The following TRIP4 variants were observed in gnomAD, a reference collection of about 807,000 sequenced individuals.
TRIP4 encodes the protein thyroid hormone receptor interactor 4.
TRIP4 carries 54 observed loss-of-function variants against 81.8 expected under a neutral mutation model. The observed-to-expected ratio is 0.66, with a 90% CI of 0.53 to 0.83. The LOEUF is 0.83. TRIP4 is among the 40% of genes least tolerant of loss of function. TRIP4 has a pLI of 0.00. For synonymous variants in TRIP4, 270 were observed against 242.8 expected, an observed-to-expected ratio of 1.11 and a Z score of -1.04; for missense variants, 662 against 683.6, an observed-to-expected ratio of 0.97 and a Z score of 0.35.
At chr15:64,431,847 A>ATATATATATATATATTTTTTTTTTTTTT in intron 11 of TRIP4, among the ~76,000 whole-genome samples, 1 of 119,560 alleles carries the variant, frequency 8.4e-6, no homozygotes, top group African/African-American at 3.3e-5. Context: ...ATATATATAT[A>ATATATATATATATATTTTTTTTTTTTTT]TTTTTTTTAT....
intron 7 of TRIP4, 118 bp downstream of exon 7, chr15:64,409,946 G>C: frequency 1.2e-6 from 1 of 866,896 alleles, no homozygotes; most frequent in South Asian, 1.8e-5. Flanking sequence ...ATTTGGAACA[G>C]AAAACATGTT....
At chr15:64,411,872 A>G (rs1254627269) in intron 7 of TRIP4, among the ~76,000 whole-genome samples, 4 of 151,872 alleles carry the variant, frequency 2.6e-5, no homozygotes, top group Non-Finnish European at 4.4e-5. Flanking sequence ...TAGTAGAGAC[A>G]GGGTTTCACC....
chr15:64,427,970 C>T (rs62022715), intron 11 of TRIP4, among the ~76,000 whole-genome samples: 4 of 150,868 alleles, frequency 2.7e-5, no homozygotes, highest in African/African-American at 7.3e-5. Flanking sequence ...TTTTTTCCCC[C>T]AGTCTAGAAG....
At chr15:64,426,014 T>C (rs1892134088) in intron 11 of TRIP4, among the ~76,000 whole-genome samples, 1 of 151,754 alleles carries the variant, frequency 6.6e-6, no homozygotes, top group Non-Finnish European at 1.5e-5. Flanking sequence ...ACCCGGGAGA[T>C]GGAGGTTGCA....
At chr15:64,432,922 A>T (rs940883145) in intron 11 of TRIP4, among the ~76,000 whole-genome samples, 11 of 150,266 alleles carry the variant, frequency 7.3e-5, no homozygotes, top group East Asian at 1.9e-4. Context: ...AAAATAAATA[A>T]AAATAAATAA....
intron 4 of TRIP4, among the ~76,000 whole-genome samples, chr15:64,399,658 C>T (rs1013571908): frequency 2.6e-5 from 4 of 152,022 alleles, no homozygotes; most frequent in Admixed American, 2.0e-4. Context: ...CCCACTACCA[C>T]GCCCAGCTAA....
chr15:64,454,445 A>T (rs1014837454), intron 12 of TRIP4, among the ~76,000 whole-genome samples: 2 of 152,162 alleles, frequency 1.3e-5, no homozygotes, highest in African/African-American at 4.8e-5. Flanking sequence ...AGAGAGTCAT[A>T]TAGCCTATGA....
At chr15:64,419,737 A>T (rs1190668893) in intron 9 of TRIP4, among the ~76,000 whole-genome samples, 2 of 152,228 alleles carry the variant, frequency 1.3e-5, no homozygotes, top group African/African-American at 4.8e-5. Flanking sequence ...ACTGTAAAGC[A>T]CAGAAAAGTA....
intron 11 of TRIP4, among the ~76,000 whole-genome samples, chr15:64,430,685 G>T (rs181820406): frequency 8.5e-5 from 13 of 152,200 alleles, no homozygotes; most frequent in African/African-American, 3.1e-4. Flanking sequence ...AATCTGATTT[G>T]TCTGAAATCT....
rs1892121141 is a variant in TRIP4 at position 64,425,520 on chromosome 15, T to C, written c.1484-20T>C. 1 of 1,594,818 alleles carries C rather than the reference T, an allele frequency of 6.3e-7. No individual in the cohort carries two copies. The highest frequency in any genetic ancestry group is 8.6e-7 in the Non-Finnish European group (1 of 1,168,778). On this transcript the variant is annotated intron_variant, in intron 10 of 12. Transcript: ENST00000261884. The stretch of plus-strand genomic sequence containing the variant: ...ACAAAGAAGGAAATTTATTCAATAT[T>C]TTTGTTATTCCTGATTCAGATGTGG...
At chr15:64,407,947 A>G (rs892770400) in intron 6 of TRIP4, among the ~76,000 whole-genome samples, 2 of 152,042 alleles carry the variant, frequency 1.3e-5, no homozygotes, top group Non-Finnish European at 2.9e-5. Flanking sequence ...AAATACAGAA[A>G]TTAGCCAGGA....
At chr15:64,395,649 GA>G in intron 3 of TRIP4, 118 bp downstream of exon 3, 1 of 1,164,508 alleles carries the variant, frequency 8.6e-7, no homozygotes, top group Non-Finnish European at 1.2e-6. Context: ...ACAAATGCAT[GA>G]ATTTTAGGTA....
chr15:64,431,411 G>A (rs1031884882), intron 11 of TRIP4, among the ~76,000 whole-genome samples: 1 of 152,022 alleles, frequency 6.6e-6, no homozygotes, highest in Admixed American at 6.6e-5. Context: ...TTGAAGACTG[G>A]AACATTGACA....
intron 11 of TRIP4, among the ~76,000 whole-genome samples, chr15:64,430,480 C>T (rs1892244369): frequency 6.6e-6 from 1 of 152,158 alleles, no homozygotes; most frequent in Non-Finnish European, 1.5e-5. Context: ...GGTTTGTAAC[C>T]TCAATAGTAA....
At chr15:64,439,424 A>C (rs1892468061) in intron 11 of TRIP4, among the ~76,000 whole-genome samples, 1 of 151,778 alleles carries the variant, frequency 6.6e-6, no homozygotes, top group Non-Finnish European at 1.5e-5. Flanking sequence ...CAGACCAAGA[A>C]TGCCTACAGC....
intron 7 of TRIP4, among the ~76,000 whole-genome samples, chr15:64,410,885 A>G (rs1465543075): frequency 6.6e-6 from 1 of 152,240 alleles, no homozygotes; most frequent in African/African-American, 2.4e-5. Context: ...GACAAAAACT[A>G]AAAACAATTT....
At chr15:64,429,629 A>C (rs8032773) in intron 11 of TRIP4, among the ~76,000 whole-genome samples, 145,925 of 152,296 alleles carry the variant, frequency 0.96, 70,136 homozygotes, top group East Asian at 1. Context: ...CCCCCACCCA[A>C]ACATGCACTA....
At chr15:64,439,104 G>T (rs1016377246) in intron 11 of TRIP4, among the ~76,000 whole-genome samples, 7 of 152,140 alleles carry the variant, frequency 4.6e-5, no homozygotes, top group African/African-American at 1.7e-4. Flanking sequence ...GTCGTCATCT[G>T]GTCAAAGTAT....
chr15:64,403,448 C>T (rs539014922), intron 5 of TRIP4, among the ~76,000 whole-genome samples: 42 of 152,282 alleles, frequency 2.8e-4, no homozygotes, highest in African/African-American at 9.4e-4. Context: ...CATGAGCCAC[C>T]GCGCCCAGCA....
Sources: gnomAD v4.1 joint callset for allele counts (sites outside exome capture counted in the v4.1 genomes callset) on GRCh38, gnomAD v4.1.1 for gene constraint, MANE v1.5 for transcripts, NCBI Gene and HGNC (gene_info 2026-07-23, HGNC 2026-07-21) for gene names.